The following TMED8 variants were observed in gnomAD, a reference collection of about 807,000 sequenced individuals.
The protein encoded by TMED8 is transmembrane p24 trafficking protein family member 8.
A neutral mutation model predicts 32.7 loss-of-function variants in TMED8; 15 were observed. The observed-to-expected ratio is 0.46, with a 90% CI of 0.31 to 0.71. The LOEUF (loss-of-function observed/expected upper bound fraction) is 0.71. Among genes scored for constraint, TMED8 ranks in the 30% least tolerant of loss-of-function variants. The pLI is 0.06. For missense variants in TMED8, 390 were observed against 423.9 expected (o/e 0.92, Z 0.70); for synonymous variants, 147 against 161.4 (o/e 0.91, Z 0.68).
intron 1 of TMED8, among the ~76,000 whole-genome samples, chr14:77,354,111 G>A (rs1479136812): frequency 6.6e-6 from 1 of 152,072 alleles, no homozygotes; most frequent in African/African-American, 2.4e-5. Context: ...CACTTAGTTT[G>A]TTCCATTTAA....
chr14:77,366,019 C>T (rs1156952634), intron 1 of TMED8, among the ~76,000 whole-genome samples: 1 of 152,178 alleles, frequency 6.6e-6, no homozygotes, highest in African/African-American at 2.4e-5. Flanking sequence ...CATGCTGGCT[C>T]CTAGCAACAC....
At chr14:77,347,425 T>C (rs934453957) in intron 2 of TMED8, among the ~76,000 whole-genome samples, 1 of 152,214 alleles carries the variant, frequency 6.6e-6, no homozygotes, top group African/African-American at 2.4e-5. Context: ...ACAATCCCAA[T>C]GGCTTCAAAC....
At chr14:77,362,264 G>A (rs988280019) in intron 1 of TMED8, among the ~76,000 whole-genome samples, 1 of 151,698 alleles carries the variant, frequency 6.6e-6, no homozygotes, top group Admixed American at 6.6e-5. Flanking sequence ...TGATGAGAGT[G>A]GTCATCCTTG....
chr14:77,369,684 A>C (rs1043061124), intron 1 of TMED8, among the ~76,000 whole-genome samples: 7 of 152,224 alleles, frequency 4.6e-5, no homozygotes, highest in African/African-American at 7.2e-5. Context: ...CATGGATCAC[A>C]GCTAGGTAAT....
At chr14:77,368,256 T>C (rs1348750947) in intron 1 of TMED8, among the ~76,000 whole-genome samples, 1 of 129,846 alleles carries the variant, frequency 7.7e-6, no homozygotes, top group Admixed American at 8.5e-5. Flanking sequence ...CCAAATATAA[T>C]GCTACCAGCA....
intron 1 of TMED8, among the ~76,000 whole-genome samples, chr14:77,366,660 A>G (rs1479602541): frequency 2.0e-5 from 3 of 152,224 alleles, no homozygotes; most frequent in Non-Finnish European, 2.9e-5. Flanking sequence ...CTTTATTCTG[A>G]TCATCTTTGT....
At chr14:77,348,912 G>C (rs1403379841) in intron 2 of TMED8, among the ~76,000 whole-genome samples, 1 of 152,222 alleles carries the variant, frequency 6.6e-6, no homozygotes, top group East Asian at 1.9e-4. Flanking sequence ...TTCAGTGTAA[G>C]CTGTAAACTG....
In TMED8 at chr14:77,336,528, T is replaced by C. The variant is rs1022375839; in HGVS notation, c.*5243A>G. 6.6e-6 allele frequency: 1 copy of C among 152,184 alleles called. No individual in the cohort carries two copies. The highest frequency in any genetic ancestry group is 1.5e-5 in the Non-Finnish European group (1 of 68,030). The allele number at this position is 152,184 out of a possible 1,614,324, so 9.4% of individuals were successfully genotyped here. A position where few individuals can be genotyped will look rare whatever the true frequency, so the allele number is the denominator to read the frequency against. On this transcript the variant is annotated 3_prime_UTR_variant, in exon 6 of 6. Coordinates refer to ENST00000216468, the MANE Select transcript of TMED8 (RefSeq NM_213601.3). ...AAGAATTCAAACAGGAGGGGCTTTG[T>C]TTAGCCTTCTTGGTTTAGGCAGGGA...
At chr14:77,359,616 G>A (rs781328223) in intron 1 of TMED8, 19 of 386,986 alleles carry the variant, frequency 4.9e-5, no homozygotes, top group African/African-American at 8.7e-5. Context: ...AGTTTAAAAA[G>A]AAATATTAAT....
intron 1 of TMED8, among the ~76,000 whole-genome samples, chr14:77,367,845 C>G (rs1193324217): frequency 6.6e-6 from 1 of 152,160 alleles, no homozygotes; most frequent in Non-Finnish European, 1.5e-5. Flanking sequence ...AGGCGCCCAC[C>G]ACCACGCCCA....
intron 3 of TMED8, 28 bp downstream of exon 3, chr14:77,346,321 T>A (rs1378348694): frequency 1.2e-6 from 2 of 1,611,230 alleles, no homozygotes; most frequent in African/African-American, 2.7e-5. Flanking sequence ...CCTCCTTTCA[T>A]AAGAAAGAGC....
At position 77,343,283 on chromosome 14, in the gene TMED8, C is replaced by T. The variant is rs1271305746; in HGVS notation, c.655G>A (p.Val219Ile). 2 of 1,614,100 alleles carry T rather than the reference C, an allele frequency of 1.2e-6. No individual in the cohort carries two copies. The highest frequency in any genetic ancestry group is 2.7e-5 in the African/African-American group (2 of 74,926). The change falls in exon 5 of 6, where the codon GTT (valine) becomes ATT (isoleucine). Residue 219 changes from valine to isoleucine, a missense_variant. Val to Ile is a conservative substitution (Grantham distance 29, BLOSUM62 3). Coordinates refer to ENST00000216468, the MANE Select transcript of TMED8 (RefSeq NM_213601.3). ...ATDDYDIGFG[V>I]YFDWTPVTST... ...GTTACAGGGGTCCAGTCAAAATAAA[C>T]TCCAAAGCCAATGTCATAGTCATCG...
intron 3 of TMED8, among the ~76,000 whole-genome samples, chr14:77,345,520 C>T (rs1456527877): frequency 2.0e-5 from 3 of 152,108 alleles, no homozygotes; most frequent in Non-Finnish European, 2.9e-5. Flanking sequence ...ATGGCAGGGG[C>T]ACCACTACAC....
At chr14:77,375,181 AG>A (rs1893783456) in intron 1 of TMED8, among the ~76,000 whole-genome samples, 1 of 152,192 alleles carries the variant, frequency 6.6e-6, no homozygotes, top group South Asian at 2.1e-4. Context: ...CTACCTCAAG[AG>A]GAAGAGCTTG....
rs572659114 is a variant in TMED8, at chr14:77,351,507, C to T, written c.197+166G>A. Among the ~76,000 whole-genome samples the T allele has an allele frequency of 9.8e-4, 147 of 149,386 alleles. No individual in the cohort carries two copies. Among genetic ancestry groups the T allele is most frequent in the Non-Finnish European group, 1.6e-3 (109 of 67,308 alleles). ...CGATCTCCTGACCTCGTGATCCACC[C>T]GCCTTGGCCTCCCAAAGTGCTGGGA... On this transcript the variant is annotated intron_variant, in intron 2 of 5. Transcript: ENST00000216468.
At position 77,335,411 on chromosome 14, in the gene TMED8, C is replaced by G. The variant is rs1209893254; in HGVS notation, c.*6360G>C. 4 of 152,162 alleles carry G rather than the reference C, an allele frequency of 2.6e-5. No homozygotes were observed. The highest frequency in any genetic ancestry group is 9.7e-5 in the African/African-American group (4 of 41,434). 9.4% of individuals were successfully genotyped at this position (152,162 alleles called of 1,614,324 possible). A position where few individuals can be genotyped will look rare whatever the true frequency, so the allele number is the denominator to read the frequency against. On this transcript the variant is annotated 3_prime_UTR_variant, in exon 6 of 6. Coordinates refer to ENST00000216468, the MANE Select transcript of TMED8 (RefSeq NM_213601.3). ...TAAAACAGTGACACGGTTTCCCTTC[C>G]AGACCCTTTTTGTAATGTCAGCAAC...
At chr14:77,350,363 G>T (rs1893150928) in intron 2 of TMED8, among the ~76,000 whole-genome samples, 1 of 152,180 alleles carries the variant, frequency 6.6e-6, no homozygotes, top group African/African-American at 2.4e-5. Context: ...TTGTTCATTT[G>T]TGGTTTCTTT....
In TMED8 at chr14:77,341,889, T is replaced by A; in HGVS notation, c.860A>T (p.Asp287Val). The change falls in exon 6 of 6, where the codon GAC becomes GTC. Residue 287 changes from aspartate to valine, a missense_variant. By Grantham distance (152) the Asp-to-Val change is radical. Transcript: ENST00000216468. ...MPVYRRDSHR[D>V]VQAGSHDYPG... ...GTAGTCATGGCTGCCAGCCTGCACG[T>A]CTCGGTGGCTGTCCCGCCGGTACAC... The A allele has an allele frequency of 6.2e-7, 1 of 1,614,002 alleles. No homozygotes were observed. Among genetic ancestry groups the A allele is most frequent in the Non-Finnish European group, 8.5e-7 (1 of 1,180,024 alleles).
In TMED8 at chr14:77,335,934, AG is replaced by A. The variant is rs1892750424; in HGVS notation, c.*5836del. The A allele has an allele frequency of 3.3e-5, 5 of 152,336 alleles. No homozygotes were observed. In the South Asian group the frequency reaches 1.0e-3, roughly 32 times the overall value. 9.4% of individuals were successfully genotyped at this position (152,336 alleles called of 1,614,324 possible). A position where few individuals can be genotyped will look rare whatever the true frequency, so the allele number is the denominator to read the frequency against. On this transcript the variant is annotated 3_prime_UTR_variant, in exon 6 of 6. Coordinates refer to ENST00000216468, the MANE Select transcript of TMED8 (RefSeq NM_213601.3). ...GTTTAGGATATGAGAGACGGAATTA[AG>A]ATAATGTTTTCCAGATGATTCTTGG... is the stretch of plus-strand genomic sequence containing the variant.
Sources: gnomAD v4.1 joint callset for allele counts (sites outside exome capture counted in the v4.1 genomes callset) on GRCh38, gnomAD v4.1.1 for gene constraint, MANE v1.5 for transcripts, NCBI Gene and HGNC (gene_info 2026-07-23, HGNC 2026-07-21) for gene names.